Variants in GDAP1 observed in about 807,000 individuals in gnomAD.
The protein encoded by GDAP1 is ganglioside-induced differentiation-associated protein 1.
Under a neutral mutation model 40.1 loss-of-function variants are expected in GDAP1, and 34 were observed. That is an observed-to-expected ratio of 0.85 (90% CI 0.64 to 1.13). GDAP1 has a LOEUF of 1.13. GDAP1 is among the 50% of genes most tolerant of loss of function. The pLI is 0.00. For synonymous variants in GDAP1, 170 were observed against 157.4 expected (o/e 1.08, Z -0.60); for missense variants, 374 against 433.7 (o/e 0.86, Z 1.22).
intron 2 of GDAP1, among the ~76,000 whole-genome samples, chr8:74,451,027 A>G (rs1806293012): frequency 1.2e-5 from 1 of 82,842 alleles, no homozygotes; most frequent in Non-Finnish European, 2.4e-5. Flanking sequence ...CTTCATTTAA[A>G]ATGTAAGACA....
intron 2 of GDAP1, among the ~76,000 whole-genome samples, chr8:74,479,989 T>C (rs926011047): frequency 4.1e-3 from 587 of 144,424 alleles, no homozygotes; most frequent in Middle Eastern, 0.024. Flanking sequence ...GGACTCTCTT[T>C]TTTTTTTTTT....
At chr8:74,351,240 C>T in intron 1 of GDAP1, 34 bp from the exon 2 acceptor site, 1 of 1,566,492 alleles carries the variant, frequency 6.4e-7, no homozygotes, top group Non-Finnish European at 8.8e-7. Context: ...TGAAAGCTTA[C>T]ATGTGTTGTA....
chr8:74,439,532 T>C (rs1209899801), intron 2 of GDAP1, among the ~76,000 whole-genome samples: 1 of 152,028 alleles, frequency 6.6e-6, no homozygotes, highest in Non-Finnish European at 1.5e-5. Flanking sequence ...TCATATCTGG[T>C]AGGGAAAATC....
intron 2 of GDAP1, among the ~76,000 whole-genome samples, chr8:74,468,475 CCATACACACACA>C (rs1563477614): frequency 2.2e-5 from 2 of 91,678 alleles, no homozygotes; most frequent in South Asian, 7.5e-4. Flanking sequence ...GTAAATGACC[CCATACACACACA>C]CACACACACA....
At chr8:74,395,441 G>A (rs1810179860) in intron 2 of GDAP1, among the ~76,000 whole-genome samples, 1 of 152,142 alleles carries the variant, frequency 6.6e-6, no homozygotes, top group South Asian at 2.1e-4. Context: ...TCTTCTTGAA[G>A]AACAATAGTA....
intron 2 of GDAP1, among the ~76,000 whole-genome samples, chr8:74,359,199 G>C (rs10093891): frequency 1.3e-5 from 2 of 151,996 alleles, no homozygotes; most frequent in African/African-American, 4.8e-5. Flanking sequence ...TTAGCTGTGG[G>C]ATCTTGGGAG....
rs1377715797 is a variant in GDAP1, at chr8:74,415,157, GAGTT to G, written c.165+63843_165+63846del. On this transcript the variant is annotated intron_variant, in intron 2 of 2. Coordinates refer to the GDAP1 transcript ENST00000523640. ...CTGCTTTAAAAGAATTGCTTTAAGAGAGTTAGTTAGAAGAGAAATGATACCAGAA... is the reference window on the plus strand; with the variant it reads ...CTGCTTTAAAAGAATTGCTTTAAGAGAGTTAGAAGAGAAATGATACCAGAA... Among the ~76,000 whole-genome samples, 45 of 150,174 alleles carry G rather than the reference GAGTT, an allele frequency of 3.0e-4. 5 individuals are homozygous for G. Among genetic ancestry groups the G allele is most frequent in the African/African-American group, 1.1e-3 (43 of 39,506 alleles).
chr8:74,397,039 A>T (rs1216026531), intron 2 of GDAP1, among the ~76,000 whole-genome samples: 1 of 152,068 alleles, frequency 6.6e-6, no homozygotes, highest in Non-Finnish European at 1.5e-5. Context: ...CTTTTTAATG[A>T]TTGCCATTCT....
chr8:74,446,393 G>A (rs1227724578), intron 2 of GDAP1, among the ~76,000 whole-genome samples: 3 of 152,130 alleles, frequency 2.0e-5, no homozygotes, highest in African/African-American at 7.2e-5. Context: ...ATGTAGGAAT[G>A]CTGACCTGTC....
At position 74,361,959 on chromosome 8, in the gene GDAP1, C is replaced by T; in HGVS notation, c.560C>T (p.Ala187Val). ...ENPDLQEAYI[A>V]KQKRLKSKLL... The stretch of plus-strand genomic sequence containing the variant: ...CCAGATTTACAAGAAGCATACATTG[C>T]AAAACAGAAACGACTTAAAGTAAGC... The change falls in exon 4 of 6, where the codon GCA (alanine) becomes GTA (valine). Residue 187 changes from alanine to valine, a missense_variant. Transcript: ENST00000220822. The T allele has an allele frequency of 6.3e-7, 1 of 1,584,564 alleles. No homozygotes were observed. The highest frequency in any genetic ancestry group is 8.7e-7 in the Non-Finnish European group (1 of 1,154,354).
chr8:74,381,629 G>A (rs1809954927), intron 2 of GDAP1, among the ~76,000 whole-genome samples: 3 of 151,874 alleles, frequency 2.0e-5, no homozygotes, highest in South Asian at 4.2e-4. Flanking sequence ...GGTGGCAGGT[G>A]CCTGTAATCC....
chr8:74,411,524 AATAT>A (rs57240234), intron 2 of GDAP1, among the ~76,000 whole-genome samples: 4,951 of 143,122 alleles, frequency 0.035, 170 homozygotes, highest in Middle Eastern at 0.083. Context: ...TTATTAAGCA[AATAT>A]ATATATATAT....
At chr8:74,406,707 A>G (rs1805646223) in intron 2 of GDAP1, among the ~76,000 whole-genome samples, 2 of 150,046 alleles carry the variant, frequency 1.3e-5, no homozygotes, top group Admixed American at 6.6e-5. Flanking sequence ...ATAAATGGTG[A>G]AGTTTGCATA....
At chr8:74,463,244 G>A (rs1309761310) in intron 2 of GDAP1, among the ~76,000 whole-genome samples, 1 of 144,204 alleles carries the variant, frequency 6.9e-6, no homozygotes, top group Non-Finnish European at 1.5e-5. Flanking sequence ...TTGAGCCTAG[G>A]AATTTGAGAC....
intron 2 of GDAP1, among the ~76,000 whole-genome samples, chr8:74,390,593 C>T (rs534525561): frequency 6.6e-6 from 1 of 152,308 alleles, no homozygotes; most frequent in South Asian, 2.1e-4. Context: ...CCAGCCAGAG[C>T]TCTCTCCAGT....
intron 2 of GDAP1, among the ~76,000 whole-genome samples, chr8:74,465,204 G>C (rs1343887854): frequency 6.6e-6 from 1 of 152,022 alleles, no homozygotes; most frequent in East Asian, 1.9e-4. Context: ...CTGGGTGACA[G>C]AGCGAGACTC....
At chr8:74,445,659 T>TA (rs34205179) in intron 2 of GDAP1, among the ~76,000 whole-genome samples, 47 of 152,202 alleles carry the variant, frequency 3.1e-4, no homozygotes, top group South Asian at 2.7e-3. Flanking sequence ...GTATACCACT[T>TA]AAAAAAAGAC....
intron 2 of GDAP1, among the ~76,000 whole-genome samples, chr8:74,412,268 A>G (rs1460590656): frequency 6.7e-6 from 1 of 150,210 alleles, no homozygotes; most frequent in African/African-American, 2.5e-5. Context: ...TATGTAACAC[A>G]AAGATACATA....
intron 2 of GDAP1, among the ~76,000 whole-genome samples, chr8:74,374,208 C>T (rs1039685247): frequency 6.6e-6 from 1 of 152,086 alleles, no homozygotes; most frequent in Non-Finnish European, 1.5e-5. Context: ...GGATATTGGT[C>T]TAACATTCTC....
Sources: allele counts gnomAD v4.1 joint callset (sites outside exome capture counted in the v4.1 genomes callset), GRCh38; gene constraint gnomAD v4.1.1; transcripts MANE v1.5; gene names NCBI Gene and HGNC (gene_info 2026-07-23, HGNC 2026-07-21).